SETDB2: variants seen among roughly 807,000 people sequenced by gnomAD.
The protein encoded by SETDB2 is histone-lysine N-methyltransferase SETDB2.
In SETDB2, 56 loss-of-function variants were observed where a neutral mutation model predicts 82.5. The observed-to-expected ratio is 0.68, with a 90% confidence interval of 0.55 to 0.85. The LOEUF (loss-of-function observed/expected upper bound fraction) is 0.85, where lower values mean the gene tolerates loss of function less well. Ranked by LOEUF, SETDB2 falls within the 40% of genes least tolerant of loss-of-function variation. SETDB2 has a pLI of 0.00. For missense variants in SETDB2, 677 were observed against 816.4 expected (o/e 0.83, Z 2.08); for synonymous variants, 272 against 284.9 (o/e 0.95, Z 0.46).
intron 10 of SETDB2, among the ~76,000 whole-genome samples, chr13:49,483,896 A>G (rs1335657323): frequency 6.6e-6 from 1 of 152,138 alleles, no homozygotes; most frequent in Non-Finnish European, 1.5e-5. Context: ...CTGGGATTAT[A>G]GGCATGAGCC....
chr13:49,483,626 T>G, intron 10 of SETDB2, 63 bp downstream of exon 10: 18 of 530,508 alleles, frequency 3.4e-5, no homozygotes, highest in Middle Eastern at 5.3e-4. Flanking sequence ...TTTTTTTTTT[T>G]TTTTTTTTTT....
intron 10 of SETDB2, 61 bp downstream of exon 10, chr13:49,483,624 T>TG: frequency 4.6e-5 from 22 of 476,422 alleles, no homozygotes; most frequent in South Asian, 2.3e-4. Context: ...TTTTTTTTTT[T>TG]TTTTTTTTTT....
chr13:49,451,501 A>ATG (rs1957786167), intron 1 of SETDB2, 52 bp from the exon 2 acceptor site: 1 of 143,554 alleles, frequency 7.0e-6, no homozygotes, highest in African/African-American at 2.6e-5. Flanking sequence ...ATATATATAT[A>ATG]TATATGTGGT....
intron 11 of SETDB2, among the ~76,000 whole-genome samples, chr13:49,487,211 C>A (rs1958614294): frequency 6.6e-6 from 1 of 152,156 alleles, no homozygotes; most frequent in South Asian, 2.1e-4. Context: ...ATGATTAAAT[C>A]AAGAGCCTCA....
intron 4 of SETDB2, among the ~76,000 whole-genome samples, chr13:49,461,474 T>A (rs1957991105): frequency 6.6e-6 from 1 of 152,226 alleles, no homozygotes; most frequent in African/African-American, 2.4e-5. Context: ...ATATATCCGC[T>A]TTCTGTGAAG....
intron 2 of SETDB2, among the ~76,000 whole-genome samples, chr13:49,455,037 A>G (rs1395248321): frequency 1.3e-5 from 2 of 152,222 alleles, no homozygotes; most frequent in African/African-American, 4.8e-5. Flanking sequence ...TAAATCCAAC[A>G]TGTTGAAAAT....
At chr13:49,481,959 G>T in intron 8 of SETDB2, 1 of 615,108 alleles carries the variant, frequency 1.6e-6, no homozygotes, top group Non-Finnish European at 2.0e-6. Context: ...GTTCACATCA[G>T]GGAGGGCAAG....
intron 1 of SETDB2, chr13:49,446,399 G>T (rs577865459): frequency 7.9e-5 from 36 of 456,116 alleles, no homozygotes; most frequent in South Asian, 4.5e-4. Flanking sequence ...TTTGTACAAG[G>T]AATGTTCCCT....
chr13:49,484,832 C>T (rs770467020), intron 10 of SETDB2, among the ~76,000 whole-genome samples: 8 of 152,178 alleles, frequency 5.3e-5, no homozygotes, highest in Non-Finnish European at 1.2e-4. Context: ...GGTAATGGTA[C>T]AGTAGCTACC....
intron 5 of SETDB2, among the ~76,000 whole-genome samples, chr13:49,472,122 C>T (rs1958262849): frequency 6.6e-6 from 1 of 151,292 alleles, no homozygotes. Context: ...TATAAAAAGC[C>T]CAGTATGTAT....
chr13:49,481,324 T>C (rs1444736430), intron 8 of SETDB2, among the ~76,000 whole-genome samples: 1 of 152,096 alleles, frequency 6.6e-6, no homozygotes, highest in Non-Finnish European at 1.5e-5. Context: ...AAAAGAAAGG[T>C]TCAGAGATGA....
intron 4 of SETDB2, 113 bp downstream of exon 4, chr13:49,461,275 A>G (rs1389000700): frequency 1.4e-6 from 1 of 694,070 alleles, no homozygotes; most frequent in East Asian, 2.7e-5. Flanking sequence ...AAAATCTAAC[A>G]TCCACATTTC....
chr13:49,467,947 G>C lies in SETDB2; in HGVS notation c.292G>C (p.Asp98His), dbSNP rs1958150764. The C allele has an allele frequency of 1.9e-6, 3 of 1,603,156 alleles. No individual in the cohort carries two copies. Among genetic ancestry groups the C allele is most frequent in the Non-Finnish European group, 2.6e-6 (3 of 1,174,272 alleles). The change falls in exon 5 of 14, where the codon GAC becomes CAC. Residue 98 changes from aspartate to histidine, a missense_variant. By Grantham distance (81) the Asp-to-His change is moderately conservative (BLOSUM62 -1). Transcript: ENST00000611815. ...STSCENSFPEDCTFLTTENKE... is the reference protein window; with the variant it reads ...STSCENSFPEHCTFLTTENKE... ...ATCATGTGAAAACTCCTTTCCAGAA[G>C]ACTGTACATTTCTGTATGTATATAA...
At chr13:49,445,959 G>T (rs1957673893) in intron 1 of SETDB2, 1 of 155,886 alleles carries the variant, frequency 6.4e-6, no homozygotes, top group Non-Finnish European at 1.3e-5. Context: ...AAAATCTATG[G>T]CCGTGCGCGG....
At chr13:49,481,401 G>A (rs1005053632) in intron 8 of SETDB2, among the ~76,000 whole-genome samples, 1 of 152,010 alleles carries the variant, frequency 6.6e-6, no homozygotes, top group South Asian at 2.1e-4. Flanking sequence ...ATGGCTACAG[G>A]TACTTTGGGG....
intron 2 of SETDB2, among the ~76,000 whole-genome samples, chr13:49,452,222 C>T (rs1465837621): frequency 2.0e-5 from 3 of 151,972 alleles, no homozygotes; most frequent in Non-Finnish European, 4.4e-5. Context: ...AGCGATTCTC[C>T]TGCCACAGCC....
At chr13:49,478,764 A>C (rs1022185161) in intron 6 of SETDB2, among the ~76,000 whole-genome samples, 4 of 152,036 alleles carry the variant, frequency 2.6e-5, no homozygotes, top group African/African-American at 7.2e-5. Flanking sequence ...CCATCTCTAC[A>C]AAAATACAAA....
At chr13:49,459,680 G>T (rs577990457) in intron 2 of SETDB2, among the ~76,000 whole-genome samples, 1 of 152,134 alleles carries the variant, frequency 6.6e-6, no homozygotes, top group African/African-American at 2.4e-5. Flanking sequence ...ACATATAGAA[G>T]ACTTTTTTAA....
intron 2 of SETDB2, among the ~76,000 whole-genome samples, chr13:49,458,968 C>T (rs1957943147): frequency 1.3e-5 from 2 of 152,228 alleles, no homozygotes; most frequent in Non-Finnish European, 1.5e-5. Context: ...ATGTCATGCC[C>T]TACCTGCCTT....
Sources: gnomAD v4.1 joint callset for allele counts (sites outside exome capture counted in the v4.1 genomes callset) on GRCh38, gnomAD v4.1.1 for gene constraint, MANE v1.5 for transcripts, NCBI Gene and HGNC (gene_info 2026-07-23, HGNC 2026-07-21) for gene names.